The following ZC3H3 variants were observed in gnomAD, a reference collection of about 807,000 sequenced individuals.
ZC3H3 encodes zinc finger CCCH-type containing 3.
Under a neutral mutation model 77.3 loss-of-function variants are expected in ZC3H3, and 36 were observed. The ratio of observed to expected loss-of-function variants is 0.47; its 90% CI spans 0.36 to 0.61. The LOEUF (loss-of-function observed/expected upper bound fraction) is 0.61, where lower values mean the gene tolerates loss of function less well. Among genes scored for constraint, ZC3H3 ranks in the 20% least tolerant of loss-of-function variants. The pLI, the probability that ZC3H3 is intolerant of heterozygous loss-of-function variation, is 0.00. For missense variants in ZC3H3, 1,331 were observed against 1,312.2 expected (o/e 1.01, Z -0.22); for synonymous variants, 626 against 555.2 (o/e 1.13, Z -1.79).
intron 11 of ZC3H3, 146 bp from the exon 12 acceptor site, chr8:143,438,233 C>T (rs1819635631): frequency 7.5e-6 from 8 of 1,072,942 alleles, no homozygotes; most frequent in Non-Finnish European, 1.1e-5. Flanking sequence ...CTCCTGAGTT[C>T]GAGGGAGAAG....
intron 4 of ZC3H3, among the ~76,000 whole-genome samples, chr8:143,502,078 G>A (rs530033475): frequency 4.6e-5 from 7 of 152,356 alleles, no homozygotes; most frequent in African/African-American, 1.7e-4. Flanking sequence ...CTCTCCCTGG[G>A]CCATGTGAAG....
At chr8:143,535,890 C>T (rs1252311522) in intron 3 of ZC3H3, among the ~76,000 whole-genome samples, 1 of 152,250 alleles carries the variant, frequency 6.6e-6, no homozygotes, top group African/African-American at 2.4e-5. Flanking sequence ...ACAGAAGGGC[C>T]CTGGAGGAGG....
intron 5 of ZC3H3, among the ~76,000 whole-genome samples, chr8:143,472,827 G>A (rs947584216): frequency 7.2e-5 from 11 of 152,216 alleles, no homozygotes; most frequent in Non-Finnish European, 8.8e-5. Context: ...AGGACGCACC[G>A]CGACCTGGGT....
At chr8:143,534,357 T>C (rs1822722277) in intron 3 of ZC3H3, among the ~76,000 whole-genome samples, 1 of 150,320 alleles carries the variant, frequency 6.7e-6, no homozygotes, top group Non-Finnish European at 1.5e-5. Context: ...CCCTCAGCTG[T>C]GCACTCCGAA....
At chr8:143,524,262 A>G (rs1822341408) in intron 3 of ZC3H3, among the ~76,000 whole-genome samples, 1 of 152,220 alleles carries the variant, frequency 6.6e-6, no homozygotes, top group South Asian at 2.1e-4. Flanking sequence ...AGGTGGGGAC[A>G]CAGTCCCAGA....
At chr8:143,442,137 G>A (rs1396471869) in intron 9 of ZC3H3, among the ~76,000 whole-genome samples, 5 of 151,868 alleles carry the variant, frequency 3.3e-5, no homozygotes, top group Non-Finnish European at 7.4e-5. Context: ...GGGGCTGGCC[G>A]TGAGCACCTG....
intron 5 of ZC3H3, among the ~76,000 whole-genome samples, chr8:143,474,923 C>T (rs1022766785): frequency 1.6e-4 from 24 of 152,230 alleles, no homozygotes; most frequent in Non-Finnish European, 1.5e-5. Context: ...GCGCCGCGGC[C>T]CCAGGTGTGC....
intron 9 of ZC3H3, among the ~76,000 whole-genome samples, chr8:143,454,480 A>T (rs1231046779): frequency 2.7e-5 from 4 of 148,604 alleles, no homozygotes; most frequent in Non-Finnish European, 5.9e-5. Flanking sequence ...GGCTCACTGC[A>T]CTGCAAGCTC....
rs929717349 is a variant in ZC3H3, at chr8:143,494,603, G to A, written c.1715+13143C>T. Among the ~76,000 whole-genome samples, 3 of 152,166 alleles carry A rather than the reference G, an allele frequency of 2.0e-5. No individual in the cohort carries two copies. Among genetic ancestry groups the A allele is most frequent in the East Asian group, 1.9e-4 (1 of 5,192 alleles). On this transcript the variant is annotated intron_variant, in intron 4 of 11. Coordinates refer to ENST00000262577, the MANE Select transcript of ZC3H3 (RefSeq NM_015117.3). This position sits in a 1 kb window ranked among gnomAD's most constrained non-coding sequence, Gnocchi z 5.3. ...CCAGCCGGGAAGGAGGGCCGGCCGG[G>A]ACAGGAGGGAAGCGGCAGGTCGGGG...
intron 3 of ZC3H3, among the ~76,000 whole-genome samples, chr8:143,513,000 G>A (rs958175184): frequency 2.0e-5 from 3 of 152,056 alleles, no homozygotes; most frequent in African/African-American, 7.2e-5. Flanking sequence ...AGCGCCAGAG[G>A]AGTCGGGGCT....
In ZC3H3 at chr8:143,539,040, A is replaced by T; in HGVS notation, c.327T>A (p.His109Gln). ...RGGQPPVPQQ[H>Q]VLERQVQLSQ... is the part of the protein sequence containing the mutation. ...TGAGCTGGACCTGTCTCTCAAGGACATGCTGCTGCGGGACAGGAGGCTGGC... is the reference window on the plus strand; with the variant it reads ...TGAGCTGGACCTGTCTCTCAAGGACTTGCTGCTGCGGGACAGGAGGCTGGC... The change falls in exon 2 of 12, where the codon CAT (histidine) becomes CAA (glutamine). Residue 109 changes from histidine (H) to glutamine (Q), a missense_variant. Physicochemically the swap from His to Gln is conservative, Grantham distance 24. Coordinates refer to ENST00000262577, the MANE Select transcript of ZC3H3 (RefSeq NM_015117.3). 1 of 1,613,056 alleles carries T rather than the reference A, an allele frequency of 6.2e-7. No homozygotes were observed.
In ZC3H3 at chr8:143,539,011, T is replaced by G. The variant is rs750047818; in HGVS notation, c.356A>C (p.Gln119Pro). 116 of 1,613,048 alleles carry G rather than the reference T, an allele frequency of 7.2e-5. No homozygotes were observed. Among genetic ancestry groups the G allele is most frequent in the Non-Finnish European group, 8.6e-5 (102 of 1,180,036 alleles). Residue 119 changes from glutamine to proline, a missense_variant, in exon 2 of 12, where the codon CAG (glutamine) becomes CCG (proline). By Grantham distance (76) the Gln-to-Pro change is moderately conservative. Around this residue, in one of 3 missense-constraint regions of ZC3H3, gnomAD observed 978 missense variants for 915.5 expected, o/e 1.07. Coordinates refer to ENST00000262577, the MANE Select transcript of ZC3H3 (RefSeq NM_015117.3). ...HVLERQVQLS[Q>P]GQNVVIKVKP... ...AACTTTGATGACCACGTTCTGACCCTGACTGAGCTGGACCTGTCTCTCAAG... is the reference window on the plus strand; with the variant it reads ...AACTTTGATGACCACGTTCTGACCCGGACTGAGCTGGACCTGTCTCTCAAG...
In ZC3H3 at chr8:143,468,451, A is replaced by G. The variant is rs769977001; in HGVS notation, c.2036T>C (p.Phe679Ser). The G allele has an allele frequency of 1.9e-6, 3 of 1,610,334 alleles. No individual in the cohort carries two copies. The highest frequency in any genetic ancestry group is 2.5e-6 in the Non-Finnish European group (3 of 1,178,980). Reference sequence around the variant, plus strand: ...GCGCTCGCCACGGTTGCACCTGCCGAAGCGGTTGTAGTACATGCAGTACTC... The same window carrying G: ...GCGCTCGCCACGGTTGCACCTGCCGGAGCGGTTGTAGTACATGCAGTACTC... ...RKEYCMYYNRFGRCNRGERCP... is the reference protein window; with the variant it reads ...RKEYCMYYNRSGRCNRGERCP... The change falls in exon 7 of 12, where the codon TTC becomes TCC. Residue 679 changes from phenylalanine (F) to serine (S), a missense_variant. By Grantham distance (155) the Phe-to-Ser change is radical (BLOSUM62 -2). Around this residue, in one of 3 missense-constraint regions of ZC3H3, gnomAD observed 104 missense variants for 159.7 expected, o/e 0.65. Coordinates refer to ENST00000262577, the MANE Select transcript of ZC3H3 (RefSeq NM_015117.3).
intron 9 of ZC3H3, among the ~76,000 whole-genome samples, chr8:143,448,738 C>A (rs59795540): frequency 0.056 from 8,556 of 152,328 alleles, 302 homozygotes; most frequent in Non-Finnish European, 0.079. Context: ...CTTCTCACAG[C>A]TCCACTAAAC....
At chr8:143,517,185 C>T (rs1337708676) in intron 3 of ZC3H3, among the ~76,000 whole-genome samples, 3 of 152,240 alleles carry the variant, frequency 2.0e-5, no homozygotes, top group East Asian at 1.9e-4. Context: ...CACGCCGACA[C>T]CTGACCCGTC....
chr8:143,483,929 A>G (rs1482205869), intron 4 of ZC3H3, among the ~76,000 whole-genome samples: 3 of 152,194 alleles, frequency 2.0e-5, no homozygotes, highest in Admixed American at 2.0e-4. Context: ...TCTACCTCCC[A>G]GTATGGGGGC....
rs1227020184 is a variant in ZC3H3, at chr8:143,493,888, C to G, written c.1715+13858G>C. Among the ~76,000 whole-genome samples the G allele has an allele frequency of 6.6e-6, 1 of 152,116 alleles. No homozygotes were observed. Among genetic ancestry groups the G allele is most frequent in the Non-Finnish European group, 1.5e-5 (1 of 68,010 alleles). ...TGAATCAATATTTACTGCATTGAAA[C>G]GAAATGAATAGTAATAAGTCACTAA... On this transcript the variant is annotated intron_variant, in intron 4 of 11. Coordinates refer to ENST00000262577, the MANE Select transcript of ZC3H3 (RefSeq NM_015117.3). This position sits in a 1 kb window ranked among gnomAD's most constrained non-coding sequence, Gnocchi z 4.8.
chr8:143,505,887 CA>C (rs1180929411), intron 4 of ZC3H3, among the ~76,000 whole-genome samples: 1 of 152,208 alleles, frequency 6.6e-6, no homozygotes, highest in African/African-American at 2.4e-5. Context: ...GCCTGTGGTG[CA>C]GCCCCTACAC....
At chr8:143,497,552 T>C (rs184574438) in intron 4 of ZC3H3, among the ~76,000 whole-genome samples, 24 of 152,272 alleles carry the variant, frequency 1.6e-4, no homozygotes, top group African/African-American at 5.3e-4. Context: ...CTGGCAGCTG[T>C]GGTCTTTTGG....
Sources: gnomAD v4.1 joint callset for allele counts (sites outside exome capture counted in the v4.1 genomes callset) on GRCh38, gnomAD v4.1.1 for gene constraint, gnomAD v4.1.1 regional missense constraint, Gnocchi (gnomAD v3.1) non-coding constraint, MANE v1.5 for transcripts, NCBI Gene and HGNC (gene_info 2026-07-23, HGNC 2026-07-21) for gene names.